The following NRG3 variants were observed in gnomAD, a reference collection of about 807,000 sequenced individuals.
NRG3 encodes the protein neuregulin 3, also known as pro-neuregulin-3, membrane-bound isoform.
A neutral mutation model predicts 66.9 loss-of-function variants in NRG3; 31 were observed. The ratio of observed to expected loss-of-function variants is 0.46; its 90% CI spans 0.35 to 0.63. The LOEUF is 0.63. NRG3 is among the 20% of genes least tolerant of loss of function. The pLI, the probability that NRG3 is intolerant of heterozygous loss-of-function variation, is 0.00. For synonymous variants in NRG3, 393 were observed against 359.4 expected (o/e 1.09, Z -1.06); for missense variants, 910 against 878.9 (o/e 1.04, Z -0.45).
chr10:82,198,124 A>G (rs913409807), intron 1 of NRG3, among the ~76,000 whole-genome samples: 2 of 152,322 alleles, frequency 1.3e-5, no homozygotes, highest in Non-Finnish European at 2.9e-5. Flanking sequence ...CTTCTAATAC[A>G]TAGCTATTAT....
At chr10:82,958,860 A>C in intron 5 of NRG3, 89 bp from the exon 6 acceptor site, 1 of 1,381,270 alleles carries the variant, frequency 7.2e-7, no homozygotes, top group Non-Finnish European at 9.6e-7. Context: ...GCAAATAACA[A>C]ATATAGACAC....
At chr10:82,610,742 A>G (rs893840063) in intron 2 of NRG3, among the ~76,000 whole-genome samples, 1 of 152,180 alleles carries the variant, frequency 6.6e-6, no homozygotes, top group African/African-American at 2.4e-5. Context: ...AGAGACAAAG[A>G]CCTAAGGTCT....
At chr10:82,941,313 C>A (rs1191134186) in intron 4 of NRG3, among the ~76,000 whole-genome samples, 1 of 152,136 alleles carries the variant, frequency 6.6e-6, no homozygotes, top group Non-Finnish European at 1.5e-5. Flanking sequence ...CCTTCAGGCT[C>A]TCTTTTAACT....
In NRG3 at chr10:82,854,498, G is replaced by C. The variant is rs564490041; in HGVS notation, c.1028-10913G>C. ...AATCTTTCAGTGATTTCCTATGAAA[G>C]AACTTTAAAATGCCAGATACCTTCT... On this transcript the variant is annotated intron_variant, in intron 3 of 8. Transcript: ENST00000372141. 3.3e-4 allele frequency among the ~76,000 whole-genome samples: 50 copies of C among 152,256 alleles called. No individual in the cohort carries two copies. In the South Asian group the frequency reaches 9.3e-3, roughly 28 times the overall value.
chr10:82,045,285 T>G (rs1165898802), intron 1 of NRG3, among the ~76,000 whole-genome samples: 1 of 33,476 alleles, frequency 3.0e-5, no homozygotes, highest in African/African-American at 4.7e-5. Context: ...GGTATATCAC[T>G]GTGGTTTTGA....
chr10:82,070,884 A>G (rs2064770003), intron 1 of NRG3, among the ~76,000 whole-genome samples: 1 of 152,222 alleles, frequency 6.6e-6, no homozygotes, highest in Non-Finnish European at 1.5e-5. Flanking sequence ...CAAGTTGGCA[A>G]TATGTCACAA....
chr10:82,354,611 C>T (rs145008972), intron 1 of NRG3, among the ~76,000 whole-genome samples: 1,722 of 152,148 alleles, frequency 0.011, 12 homozygotes, highest in Non-Finnish European at 0.018. Flanking sequence ...AGGCTGGTCT[C>T]CAACTCCTGA....
intron 4 of NRG3, among the ~76,000 whole-genome samples, chr10:82,882,162 C>T (rs575694645): frequency 5.3e-4 from 81 of 152,300 alleles, no homozygotes; most frequent in African/African-American, 1.8e-3. Context: ...CCTAATACAT[C>T]GTTCATGCAG....
At chr10:82,505,786 C>A (rs1312267652) in intron 2 of NRG3, among the ~76,000 whole-genome samples, 1 of 152,192 alleles carries the variant, frequency 6.6e-6, no homozygotes, top group African/African-American at 2.4e-5. Context: ...TGAAGAACCC[C>A]TGAAGGCACT....
At chr10:82,407,211 A>G (rs1004788039) in intron 2 of NRG3, among the ~76,000 whole-genome samples, 1 of 152,116 alleles carries the variant, frequency 6.6e-6, no homozygotes, top group Non-Finnish European at 1.5e-5. Flanking sequence ...TAAATGAGAC[A>G]CAGAAGAGAA....
intron 1 of NRG3, among the ~76,000 whole-genome samples, chr10:81,981,864 C>G (rs575854873): frequency 1.3e-5 from 2 of 152,114 alleles, no homozygotes; most frequent in Non-Finnish European, 2.9e-5. Flanking sequence ...TAGTCCAAGC[C>G]GACAGTGTTT....
intron 1 of NRG3, among the ~76,000 whole-genome samples, chr10:82,274,418 A>T (rs971175038): frequency 3.6e-5 from 5 of 137,504 alleles, no homozygotes; most frequent in African/African-American, 1.6e-4. Flanking sequence ...ATCTAGAATG[A>T]TTATTAGCCT....
At chr10:82,009,620 T>C in intron 1 of NRG3, among the ~76,000 whole-genome samples, 1 of 152,194 alleles carries the variant, frequency 6.6e-6, no homozygotes, top group South Asian at 2.1e-4. Flanking sequence ...GGTTGCACAG[T>C]GTGCAGTGGT....
intron 1 of NRG3, among the ~76,000 whole-genome samples, chr10:82,268,122 A>G (rs1469201111): frequency 6.6e-6 from 1 of 152,156 alleles, no homozygotes; most frequent in Non-Finnish European, 1.5e-5. Context: ...ACAAAATGGA[A>G]AGTGGAAAGT....
At chr10:82,841,479 G>T (rs1267403628) in intron 3 of NRG3, among the ~76,000 whole-genome samples, 1 of 152,172 alleles carries the variant, frequency 6.6e-6, no homozygotes, top group Non-Finnish European at 1.5e-5. Flanking sequence ...TATATGAAGA[G>T]ATTTATTTTA....
intron 6 of NRG3, among the ~76,000 whole-genome samples, chr10:82,963,819 C>G (rs1043727039): frequency 6.6e-6 from 1 of 151,998 alleles, no homozygotes; most frequent in Non-Finnish European, 1.5e-5. Context: ...AAACAATCAC[C>G]CCTGGGTTTG....
At chr10:82,156,806 A>G (rs1011773209) in intron 1 of NRG3, among the ~76,000 whole-genome samples, 3 of 151,662 alleles carry the variant, frequency 2.0e-5, no homozygotes, top group Non-Finnish European at 3.0e-5. Context: ...TAATATAGGT[A>G]TGATTATCAG....
intron 4 of NRG3, among the ~76,000 whole-genome samples, chr10:82,906,536 A>G (rs1844751416): frequency 6.6e-6 from 1 of 152,210 alleles, no homozygotes; most frequent in Non-Finnish European, 1.5e-5. Context: ...AGAATTTTCA[A>G]TATTAGAAGA....
At chr10:82,551,834 A>G (rs982639624) in intron 2 of NRG3, among the ~76,000 whole-genome samples, 1 of 152,066 alleles carries the variant, frequency 6.6e-6, no homozygotes, top group Non-Finnish European at 1.5e-5. Context: ...TTATATTTTT[A>G]TAATTCAAAT....
Sources: allele counts gnomAD v4.1 joint callset (sites outside exome capture counted in the v4.1 genomes callset), GRCh38; gene constraint gnomAD v4.1.1; transcripts MANE v1.5; gene names NCBI Gene and HGNC (gene_info 2026-07-23, HGNC 2026-07-21).